The following ADCK1 variants were observed in gnomAD, a reference collection of about 807,000 sequenced individuals.
The protein encoded by ADCK1 is aarF domain-containing protein kinase 1.
A neutral mutation model predicts 52.3 loss-of-function variants in ADCK1; 41 were observed. The ratio of observed to expected loss-of-function variants is 0.78; its 90% CI spans 0.61 to 1.02. ADCK1 has a LOEUF of 1.02. ADCK1 is among the 50% of genes least tolerant of loss of function. The pLI, the probability that ADCK1 is intolerant of heterozygous loss-of-function variation, is 0.00. For missense variants in ADCK1, 658 were observed against 679.5 expected (o/e 0.97, Z 0.35); for synonymous variants, 250 against 274.6 (o/e 0.91, Z 0.89).
chr14:77,822,326 C>A (rs1594877822), intron 2 of ADCK1, 109 bp from the exon 3 acceptor site: 1 of 850,016 alleles, frequency 1.2e-6, no homozygotes, highest in Non-Finnish European at 2.0e-6. Flanking sequence ...GGACTGGCCA[C>A]TCCCCCAGAC....
intron 4 of ADCK1, among the ~76,000 whole-genome samples, chr14:77,862,652 G>A (rs191573424): frequency 4.6e-5 from 7 of 152,328 alleles, no homozygotes; most frequent in Admixed American, 2.6e-4. Flanking sequence ...CTGATGCTCC[G>A]CAGTCTCTGA....
intron 7 of ADCK1, among the ~76,000 whole-genome samples, chr14:77,915,579 C>T (rs2083905051): frequency 6.6e-6 from 1 of 152,008 alleles, no homozygotes; most frequent in African/African-American, 2.4e-5. Context: ...ACTATGCAGC[C>T]ATAAAAAATG....
Position 77,924,612 on chromosome 14 carries a change from A to C in ADCK1, c.1008+6A>C, listed in dbSNP as rs750938478. 1.9e-6 allele frequency: 3 copies of C among 1,612,196 alleles called. No individual in the cohort carries two copies. The highest frequency in any genetic ancestry group is 2.5e-6 in the Non-Finnish European group (3 of 1,180,008). On this transcript the variant is annotated splice_donor_region_variant and intron_variant, in intron 8 of 10. Coordinates refer to ENST00000238561, the MANE Select transcript of ADCK1 (RefSeq NM_020421.4). Reference sequence around the variant, plus strand: ...TGGACCATGGGCTTTACCAGGTAGAAGAGGCCTTTGTTACCCAGCCCTGGG... The same window carrying C: ...TGGACCATGGGCTTTACCAGGTAGACGAGGCCTTTGTTACCCAGCCCTGGG...
chr14:77,823,228 T>G (rs2081618752), intron 3 of ADCK1, among the ~76,000 whole-genome samples: 3 of 152,014 alleles, frequency 2.0e-5, no homozygotes. Flanking sequence ...GTAGATACCT[T>G]TGGCTCCTCC....
chr14:77,852,652 AATAAATAAATATATATATATATATATAT>A (rs1158265691), intron 3 of ADCK1, among the ~76,000 whole-genome samples: 10 of 32,608 alleles, frequency 3.1e-4, no homozygotes, highest in African/African-American at 1.1e-3. Context: ...TATTTCTTTA[AATAAATAAATATATATATATATATATAT>A]ATATATATAT....
intron 6 of ADCK1, among the ~76,000 whole-genome samples, chr14:77,905,525 G>T (rs1464916849): frequency 2.6e-5 from 4 of 151,920 alleles, no homozygotes; most frequent in Non-Finnish European, 4.4e-5. Context: ...GCTGCCTCTG[G>T]TGGGGCTGGC....
rs2084117378 is a variant in ADCK1 at position 77,923,777 on chromosome 14, G to A, written c.859-680G>A. On this transcript the variant is annotated intron_variant, in intron 7 of 10. Coordinates refer to ENST00000238561, the MANE Select transcript of ADCK1 (RefSeq NM_020421.4). The surrounding 1 kb of genome is among the most constrained non-coding windows in gnomAD (Gnocchi z 4.3). ...TAGAGATAAGAAGACTGCCTCGTCAGGGAGAGCAGCAGTGACAGGATGATT... is the reference window on the plus strand; with the variant it reads ...TAGAGATAAGAAGACTGCCTCGTCAAGGAGAGCAGCAGTGACAGGATGATT... The A allele has an allele frequency of 6.6e-6, 1 of 152,306 alleles. No individual in the cohort carries two copies. The highest frequency in any genetic ancestry group is 2.1e-4 in the South Asian group (1 of 4,826). 9.4% of individuals were successfully genotyped at this position (152,306 alleles called of 1,614,324 possible). A position where few individuals can be genotyped will look rare whatever the true frequency, so the allele number is the denominator to read the frequency against.
At chr14:77,844,070 T>C (rs572517011) in intron 3 of ADCK1, among the ~76,000 whole-genome samples, 37 of 152,180 alleles carry the variant, frequency 2.4e-4, no homozygotes, top group Middle Eastern at 3.4e-3. Context: ...ATTTCTTTTT[T>C]TCTTTTTTTT....
chr14:77,842,830 G>A (rs1438512912), intron 3 of ADCK1, among the ~76,000 whole-genome samples: 2 of 151,596 alleles, frequency 1.3e-5, no homozygotes, highest in African/African-American at 4.8e-5. Flanking sequence ...GTTTACAGGT[G>A]TGAGCCATTG....
chr14:77,840,756 G>A (rs1285783810), intron 3 of ADCK1, among the ~76,000 whole-genome samples: 1 of 151,626 alleles, frequency 6.6e-6, no homozygotes, highest in African/African-American at 2.4e-5. Flanking sequence ...GCTGAAGCAC[G>A]AGAATAGCTT....
At chr14:77,844,824 T>G (rs77799037) in intron 3 of ADCK1, among the ~76,000 whole-genome samples, 1 of 152,198 alleles carries the variant, frequency 6.6e-6, no homozygotes, top group Non-Finnish European at 1.5e-5. Context: ...CATCTAGCTC[T>G]GGGAAAGCAA....
chr14:77,809,213 T>C (rs1003041864), intron 1 of ADCK1, among the ~76,000 whole-genome samples: 2 of 152,120 alleles, frequency 1.3e-5, no homozygotes, highest in African/African-American at 4.8e-5. Flanking sequence ...CCAAGATAAC[T>C]TGAGTGGCAG....
At chr14:77,921,328 A>G (rs1479114356) in intron 7 of ADCK1, among the ~76,000 whole-genome samples, 1 of 101,910 alleles carries the variant, frequency 9.8e-6, no homozygotes, top group East Asian at 2.0e-4. Flanking sequence ...CTCTGTCTCA[A>G]AAAAAAAAAA....
chr14:77,831,063 G>A (rs1363737172), intron 3 of ADCK1, among the ~76,000 whole-genome samples: 1 of 152,176 alleles, frequency 6.6e-6, no homozygotes, highest in African/African-American at 2.4e-5. Flanking sequence ...GTCTGGAGGA[G>A]GTGGGCTTGC....
At chr14:77,894,736 G>GTTTTGTTTTTTTTTTTTTTT (rs2083365207) in intron 5 of ADCK1, among the ~76,000 whole-genome samples, 1 of 36,484 alleles carries the variant, frequency 2.7e-5, no homozygotes, top group Admixed American at 4.7e-4. Flanking sequence ...TTCTTTTCTT[G>GTTTTGTTTTTTTTTTTTTTT]TTTTTTTTTT....
At chr14:77,862,882 G>A (rs1207685816) in intron 4 of ADCK1, among the ~76,000 whole-genome samples, 1 of 152,220 alleles carries the variant, frequency 6.6e-6, no homozygotes, top group Non-Finnish European at 1.5e-5. Context: ...GCAGAGGAGA[G>A]AGAGGTTGCC....
intron 3 of ADCK1, among the ~76,000 whole-genome samples, chr14:77,840,654 C>G (rs373484550): frequency 6.6e-6 from 1 of 152,000 alleles, no homozygotes; most frequent in African/African-American, 2.4e-5. Flanking sequence ...TCAAGACCAG[C>G]CTGGACAACA....
intron 3 of ADCK1, among the ~76,000 whole-genome samples, chr14:77,854,793 A>G (rs2082383691): frequency 6.6e-6 from 1 of 152,136 alleles, no homozygotes; most frequent in Non-Finnish European, 1.5e-5. Flanking sequence ...TCCTGACCTC[A>G]GGTGATCCAC....
At chr14:77,807,042 T>G (rs111798137) in intron 1 of ADCK1, among the ~76,000 whole-genome samples, 1 of 143,114 alleles carries the variant, frequency 7.0e-6, no homozygotes, top group Non-Finnish European at 1.5e-5. Flanking sequence ...CTCTCTCTTT[T>G]TTTTTTTTTT....
Sources: allele counts gnomAD v4.1 joint callset (sites outside exome capture counted in the v4.1 genomes callset), GRCh38; gene constraint gnomAD v4.1.1; non-coding constraint Gnocchi (gnomAD v3.1); transcripts MANE v1.5; gene names NCBI Gene and HGNC (gene_info 2026-07-23, HGNC 2026-07-21).